SPATA6L: variants seen among roughly 807,000 people sequenced by gnomAD.
The protein encoded by SPATA6L is spermatogenesis associated 6-like protein.
SPATA6L carries 68 observed loss-of-function variants against 49.2 expected under a neutral mutation model. The observed-to-expected ratio is 1.38, with a 90% CI of 1.14 to 1.69. The LOEUF (loss-of-function observed/expected upper bound fraction) is 1.69, where lower values mean the gene tolerates loss of function less well. Among genes scored for constraint, SPATA6L ranks in the 40% most tolerant of loss-of-function variants. The pLI, the probability that SPATA6L is intolerant of heterozygous loss-of-function variation, is 0.00. For synonymous variants in SPATA6L, 198 were observed against 165.7 expected (o/e 1.19, Z -1.50); for missense variants, 668 against 464.3 (o/e 1.44, Z -4.03).
rs138798046 is a variant in SPATA6L at position 4,655,147 on chromosome 9, G to C, written c.226+894C>G. Among the ~76,000 whole-genome samples the C allele has an allele frequency of 3.3e-5, 5 of 152,252 alleles. No individual in the cohort carries two copies. The East Asian group carries it at 9.6e-4, about 29-fold the overall frequency. ...GCCTAAAAGTGGAAACAACCCAAAT[G>C]TCCATCAATTGATGACTAGAAAAAC... On this transcript the variant is annotated intron_variant, in intron 3 of 11. Transcript: ENST00000682582.
chr9:4,594,660 T>A (rs1253810709), downstream of SPATA6L, among the ~76,000 whole-genome samples: 2 of 152,184 alleles, frequency 1.3e-5, no homozygotes, highest in Non-Finnish European at 2.9e-5. Flanking sequence ...GCTCTGGGAT[T>A]CAGGTGGGAG....
chr9:4,604,379 G>A (rs1433892823), intron 10 of SPATA6L, 110 bp from the exon 11 acceptor site: 12 of 646,166 alleles, frequency 1.9e-5, no homozygotes, highest in East Asian at 8.4e-5. Context: ...CATTTATGCC[G>A]TTATATGGGG....
At chr9:4,631,813 T>C (rs1831616786) in intron 4 of SPATA6L, among the ~76,000 whole-genome samples, 1 of 152,184 alleles carries the variant, frequency 6.6e-6, no homozygotes. Context: ...GTGCAGGCTC[T>C]GAAGCCAGTC....
rs1208591988 is a variant in SPATA6L at position 4,605,029 on chromosome 9, G to C, written c.1089+318C>G. ...GTGCAGGGGAAAGGAATGCTCTGTG[G>C]GCCACTTAGCCTGTCTTCTCTCAGT... is the stretch of plus-strand genomic sequence containing the variant. On this transcript the variant is annotated intron_variant, in intron 10 of 11. Coordinates refer to ENST00000682582, the MANE Select transcript of SPATA6L (RefSeq NM_001353486.2). Among the ~76,000 whole-genome samples the C allele has an allele frequency of 2.0e-5, 3 of 152,116 alleles. No individual in the cohort carries two copies. In the East Asian group the frequency reaches 5.8e-4, roughly 29 times the overall value.
In SPATA6L at chr9:4,635,906, G is replaced by T. The variant is rs559495543; in HGVS notation, c.227-507C>A. 4.6e-5 allele frequency among the ~76,000 whole-genome samples: 7 copies of T among 152,304 alleles called. No individual in the cohort carries two copies. In the East Asian group the frequency reaches 1.4e-3, roughly 29 times the overall value. ...TTGGACATTTGTGGAAATATTTCAGGGGCAGTAGCCAGAGGTGTGAGGGAG... is the reference window on the plus strand; with the variant it reads ...TTGGACATTTGTGGAAATATTTCAGTGGCAGTAGCCAGAGGTGTGAGGGAG... On this transcript the variant is annotated intron_variant, in intron 3 of 11. Coordinates refer to ENST00000682582, the MANE Select transcript of SPATA6L (RefSeq NM_001353486.2).
intron 2 of SPATA6L, among the ~76,000 whole-genome samples, chr9:4,657,502 T>C (rs144932101): frequency 3.2e-3 from 486 of 151,536 alleles, no homozygotes; most frequent in Middle Eastern, 6.8e-3. Context: ...CTGGTGTCCT[T>C]AGGAAGGGCA....
chr9:4,653,665 C>G (rs1046742664), intron 3 of SPATA6L, among the ~76,000 whole-genome samples: 8 of 152,152 alleles, frequency 5.3e-5, no homozygotes, highest in African/African-American at 1.9e-4. Flanking sequence ...CACAGCGGCT[C>G]ATGTCTGTAA....
At chr9:4,658,483 G>C (rs147153943) in intron 2 of SPATA6L, among the ~76,000 whole-genome samples, 32 of 152,234 alleles carry the variant, frequency 2.1e-4, no homozygotes, top group Admixed American at 1.8e-3. Flanking sequence ...TCATGCAAGA[G>C]GACAATTAAT....
intron 7 of SPATA6L, among the ~76,000 whole-genome samples, chr9:4,619,434 A>C (rs1024956304): frequency 2.0e-5 from 3 of 152,126 alleles, no homozygotes; most frequent in Admixed American, 6.5e-5. Context: ...CTGGGATTAC[A>C]GGTGTAAGCC....
At chr9:4,663,367 G>C (rs370146227) in intron 1 of SPATA6L, 9 of 1,226,346 alleles carry the variant, frequency 7.3e-6, no homozygotes, top group African/African-American at 6.0e-5. Context: ...AGGCATTTCA[G>C]GCTTCCTTTG....
At chr9:4,640,799 T>G (rs1259604482) in intron 3 of SPATA6L, among the ~76,000 whole-genome samples, 3 of 152,026 alleles carry the variant, frequency 2.0e-5, no homozygotes, top group Non-Finnish European at 4.4e-5. Context: ...TTAATTCCAC[T>G]AAAATTATAA....
At chr9:4,633,014 C>G (rs1033906020) in intron 4 of SPATA6L, 1 of 152,344 alleles carries the variant, frequency 6.6e-6, no homozygotes, top group Non-Finnish European at 1.5e-5. Flanking sequence ...CAAAAACAAA[C>G]AAACAAAAAA....
At chr9:4,655,787 G>C (rs1469908020) in intron 3 of SPATA6L, among the ~76,000 whole-genome samples, 1 of 152,124 alleles carries the variant, frequency 6.6e-6, no homozygotes, top group South Asian at 2.1e-4. Flanking sequence ...CTGACCTCAA[G>C]GGATTCACCC....
chr9:4,606,587 C>G lies in SPATA6L; in HGVS notation c.996-1147G>C, dbSNP rs1160922020. Among the ~76,000 whole-genome samples the G allele has an allele frequency of 6.7e-4, 21 of 31,440 alleles. 9 individuals are homozygous for G. The South Asian group carries it at 0.02, about 30-fold the overall frequency. The allele number at this position is 31,440 out of a possible 152,430, so 20.6% of individuals were successfully genotyped here. On this transcript the variant is annotated intron_variant, in intron 9 of 11. Coordinates refer to ENST00000682582, the MANE Select transcript of SPATA6L (RefSeq NM_001353486.2). ...CTCCAACAGACCTGCAGCTGAGGGTCCTGTTAGAAGGAAAACTAACAAACA... is the reference window on the plus strand; with the variant it reads ...CTCCAACAGACCTGCAGCTGAGGGTGCTGTTAGAAGGAAAACTAACAAACA...
At chr9:4,610,751 T>A (rs1193618432) in intron 9 of SPATA6L, among the ~76,000 whole-genome samples, 3 of 151,214 alleles carry the variant, frequency 2.0e-5, no homozygotes, top group Non-Finnish European at 3.0e-5. Flanking sequence ...GGACTTCATG[T>A]CTAAAACACC....
chr9:4,629,041 G>GAA (rs199719649), intron 5 of SPATA6L, 50 bp downstream of exon 5: 44 of 1,174,658 alleles, frequency 3.7e-5, no homozygotes, highest in South Asian at 9.0e-5. Flanking sequence ...CTTTAAATTT[G>GAA]AAAAAAAAAA....
chr9:4,656,369 A>G (rs1240689199), intron 2 of SPATA6L, among the ~76,000 whole-genome samples: 1 of 151,748 alleles, frequency 6.6e-6, no homozygotes, highest in African/African-American at 2.4e-5. Flanking sequence ...AGCACAGGAG[A>G]CAGAGGTTGC....
intron 7 of SPATA6L, among the ~76,000 whole-genome samples, chr9:4,621,262 C>G (rs1471176243): frequency 6.6e-6 from 1 of 152,230 alleles, no homozygotes; most frequent in Non-Finnish European, 1.5e-5. Context: ...CAAAAGCCTA[C>G]AAGGGGTTCC....
chr9:4,604,881 T>A (rs1433824966), intron 10 of SPATA6L, among the ~76,000 whole-genome samples: 2 of 152,184 alleles, frequency 1.3e-5, no homozygotes, highest in African/African-American at 4.8e-5. Flanking sequence ...GCACTCCCCA[T>A]ACCCCTGTAA....
Sources: gnomAD v4.1 joint callset for allele counts (sites outside exome capture counted in the v4.1 genomes callset) on GRCh38, gnomAD v4.1.1 for gene constraint, MANE v1.5 for transcripts, NCBI Gene and HGNC (gene_info 2026-07-23, HGNC 2026-07-21) for gene names.